The following ENOX1 variants were observed in gnomAD, a reference collection of about 807,000 sequenced individuals.
ENOX1 encodes the protein ecto-NOX disulfide-thiol exchanger 1, also known as candidate growth-related and time keeping constitutive hydroquinone (NADH) oxidase.
ENOX1 carries 42 observed loss-of-function variants against 82.5 expected under a neutral mutation model. The ratio of observed to expected loss-of-function variants is 0.51; its 90% confidence interval spans 0.40 to 0.66. ENOX1 has a LOEUF of 0.66. Ranked by LOEUF, ENOX1 falls within the 30% of genes least tolerant of loss-of-function variation. The probability of loss-of-function intolerance (pLI) is 0.00; values close to 1 mark genes in which losing one functional copy is unlikely to be tolerated. For synonymous variants in ENOX1, 271 were observed against 282.2 expected, an observed-to-expected ratio of 0.96 and a Z score of 0.40; for missense variants, 608 against 811.6, an observed-to-expected ratio of 0.75 and a Z score of 3.05.
intron 1 of ENOX1, among the ~76,000 whole-genome samples, chr13:43,763,494 T>G (rs183536379): frequency 6.6e-6 from 1 of 152,264 alleles, no homozygotes; most frequent in Non-Finnish European, 1.5e-5. Context: ...CTATAGCAGA[T>G]CTTAATCTAA....
chr13:43,383,543 T>G (rs766669094), intron 5 of ENOX1, among the ~76,000 whole-genome samples: 1 of 152,216 alleles, frequency 6.6e-6, no homozygotes. Context: ...TGTATGCTTC[T>G]GTTTGCTTCC....
intron 2 of ENOX1, among the ~76,000 whole-genome samples, chr13:43,642,486 C>T (rs1376463558): frequency 6.6e-6 from 1 of 152,130 alleles, no homozygotes; most frequent in African/African-American, 2.4e-5. Context: ...GAAAAAAGGA[C>T]AGTATTTTTA....
At chr13:43,455,037 C>T (rs2057161362) in intron 3 of ENOX1, among the ~76,000 whole-genome samples, 1 of 151,976 alleles carries the variant, frequency 6.6e-6, no homozygotes, top group Non-Finnish European at 1.5e-5. Flanking sequence ...CCCCCATTTC[C>T]TGGATCCCAT....
intron 1 of ENOX1, among the ~76,000 whole-genome samples, chr13:43,684,503 G>C (rs1194147544): frequency 1.3e-5 from 2 of 152,182 alleles, no homozygotes; most frequent in Non-Finnish European, 2.9e-5. Context: ...AACCTTCTGA[G>C]TGGCCATGAA....
chr13:43,611,963 A>AT (rs907795559), intron 2 of ENOX1, among the ~76,000 whole-genome samples: 1 of 152,042 alleles, frequency 6.6e-6, no homozygotes, highest in Non-Finnish European at 1.5e-5. Context: ...GGGTTAACAC[A>AT]TTTTTTCCCT....
chr13:43,254,034 T>C (rs9594916), intron 14 of ENOX1, among the ~76,000 whole-genome samples: 25,366 of 152,242 alleles, frequency 0.17, 2,323 homozygotes, highest in Non-Finnish European at 0.22. Flanking sequence ...GGAGCTTACC[T>C]GGAACTTCTT....
chr13:43,577,537 T>G (rs1248424663), intron 2 of ENOX1, among the ~76,000 whole-genome samples: 1 of 152,188 alleles, frequency 6.6e-6, no homozygotes, highest in Non-Finnish European at 1.5e-5. Context: ...GAACACTGTG[T>G]CCTCATGTGG....
intron 2 of ENOX1, among the ~76,000 whole-genome samples, chr13:43,560,275 T>C (rs558529123): frequency 2.0e-5 from 3 of 152,328 alleles, no homozygotes; most frequent in Admixed American, 6.5e-5. Flanking sequence ...AGGTTACTTC[T>C]GAGTTTTAAC....
chr13:43,235,584 T>C (rs2042498611), intron 15 of ENOX1, among the ~76,000 whole-genome samples: 1 of 151,868 alleles, frequency 6.6e-6, no homozygotes, highest in Non-Finnish European at 1.5e-5. Flanking sequence ...AATACAAAAT[T>C]AGCTGGGCGT....
rs184423856 is a variant in ENOX1 at position 43,769,056 on chromosome 13, A to G, written c.-285+17596T>C. Among the ~76,000 whole-genome samples the G allele has an allele frequency of 1.5e-4, 23 of 152,370 alleles. 3 individuals are homozygous for G. The highest frequency in any genetic ancestry group is 5.5e-4 in the African/African-American group (23 of 41,590). ...GAAGCAACATGGTGAACAATGTGGT[A>G]AAGGAAGGTGTTCAGAACTCTTGCT... On this transcript the variant is annotated intron_variant, in intron 1 of 16. Coordinates refer to ENST00000690772, the MANE Select transcript of ENOX1 (RefSeq NM_001347969.2).
At chr13:43,216,210 G>A (rs1255709058) in intron 16 of ENOX1, among the ~76,000 whole-genome samples, 1 of 152,192 alleles carries the variant, frequency 6.6e-6, no homozygotes, top group African/African-American at 2.4e-5. Flanking sequence ...AAAAAAATGG[G>A]GACTTAAGCC....
chr13:43,365,585 G>A (rs2050796812), intron 5 of ENOX1, among the ~76,000 whole-genome samples: 1 of 152,210 alleles, frequency 6.6e-6, no homozygotes, highest in Non-Finnish European at 1.5e-5. Context: ...GGGAAATAAA[G>A]TTTGCAGGAA....
At chr13:43,288,773 A>G (rs967899450) in intron 12 of ENOX1, among the ~76,000 whole-genome samples, 14 of 152,132 alleles carry the variant, frequency 9.2e-5, no homozygotes, top group African/African-American at 3.4e-4. Flanking sequence ...CTCCTGATAC[A>G]TTGCAACTTA....
chr13:43,552,944 CTCCT>C lies in ENOX1; in HGVS notation c.-218-68796_-218-68793del, dbSNP rs2079270068. On this transcript the variant is annotated intron_variant, in intron 2 of 16. Transcript: ENST00000690772. ...ATTACCAATTAATTTAAGGATATTG[CTCCT>C]TCCTAATAGAAGTAGTCATGATAAA... Among the ~76,000 whole-genome samples the C allele has an allele frequency of 2.0e-5, 3 of 152,052 alleles. No individual in the cohort carries two copies. The South Asian group carries it at 6.2e-4, about 32-fold the overall frequency.
At chr13:43,655,930 G>C (rs1252214760) in intron 2 of ENOX1, among the ~76,000 whole-genome samples, 1 of 152,088 alleles carries the variant, frequency 6.6e-6, no homozygotes, top group Non-Finnish European at 1.5e-5. Flanking sequence ...TTAAGGTTTG[G>C]GTTCATATCC....
chr13:43,632,109 GT>G (rs981741849), intron 2 of ENOX1, among the ~76,000 whole-genome samples: 3 of 151,928 alleles, frequency 2.0e-5, no homozygotes, highest in Non-Finnish European at 2.9e-5. Flanking sequence ...GAGATGTTAG[GT>G]TTTTTTCTTC....
intron 2 of ENOX1, among the ~76,000 whole-genome samples, chr13:43,557,310 A>C (rs1256569407): frequency 6.6e-6 from 1 of 152,170 alleles, no homozygotes; most frequent in African/African-American, 2.4e-5. Context: ...GTTTCCATAA[A>C]GCGGTCTGAG....
intron 5 of ENOX1, among the ~76,000 whole-genome samples, chr13:43,407,457 T>C (rs1262647291): frequency 1.3e-5 from 2 of 152,232 alleles, no homozygotes; most frequent in African/African-American, 4.8e-5. Context: ...CTTTAAGTTC[T>C]GGGATACAGA....
chr13:43,608,701 C>T (rs1165395485), intron 2 of ENOX1, among the ~76,000 whole-genome samples: 1 of 152,114 alleles, frequency 6.6e-6, no homozygotes, highest in Admixed American at 6.6e-5. Context: ...GTCATGATTG[C>T]TTTTTGGTCT....
Sources: gnomAD v4.1 joint callset for allele counts (sites outside exome capture counted in the v4.1 genomes callset) on GRCh38, gnomAD v4.1.1 for gene constraint, MANE v1.5 for transcripts, NCBI Gene and HGNC (gene_info 2026-07-23, HGNC 2026-07-21) for gene names.